Variants in CEP20 observed in about 807,000 individuals in gnomAD.
CEP20 encodes FGFR1OP N-terminal like.
A neutral mutation model predicts 20.0 loss-of-function variants in CEP20; 18 were observed. That is an observed-to-expected ratio of 0.90 (90% CI 0.62 to 1.34). The LOEUF (loss-of-function observed/expected upper bound fraction) is 1.34. Among genes scored for constraint, CEP20 ranks in the 40% most tolerant of loss-of-function variants. The pLI, the probability that CEP20 is intolerant of heterozygous loss-of-function variation, is 0.00. For synonymous variants in CEP20, 77 were observed against 73.7 expected, an observed-to-expected ratio of 1.04 and a Z score of -0.23; for missense variants, 215 against 201.6, an observed-to-expected ratio of 1.07 and a Z score of -0.40.
At chr16:15,868,390 T>A (rs2044737142) in intron 4 of CEP20, among the ~76,000 whole-genome samples, 1 of 152,026 alleles carries the variant, frequency 6.6e-6, no homozygotes, top group South Asian at 2.1e-4. Context: ...GCCACTGCAC[T>A]CCAGCCTGGG....
At chr16:15,869,101 GT>G (rs2044752337) in intron 4 of CEP20, among the ~76,000 whole-genome samples, 1 of 150,970 alleles carries the variant, frequency 6.6e-6, no homozygotes, top group South Asian at 2.1e-4. Context: ...AAAAATGTGT[GT>G]GTGTGTATAT....
intron 4 of CEP20, among the ~76,000 whole-genome samples, chr16:15,868,465 C>G (rs1173364573): frequency 6.6e-6 from 1 of 152,080 alleles, no homozygotes; most frequent in Non-Finnish European, 1.5e-5. Flanking sequence ...TATCCTAATG[C>G]AACAAAAATG....
chr16:15,875,827 G>A (rs1021726577), intron 3 of CEP20, among the ~76,000 whole-genome samples: 5 of 152,120 alleles, frequency 3.3e-5, no homozygotes, highest in African/African-American at 9.7e-5. Context: ...TGCTGGGTGT[G>A]GTGGCTCAAG....
At chr16:15,885,310 ACAAC>A (rs200651762) in intron 1 of CEP20, among the ~76,000 whole-genome samples, 15 of 151,104 alleles carry the variant, frequency 9.9e-5, no homozygotes, top group Non-Finnish European at 1.8e-4. Context: ...TCTGTTTAAA[ACAAC>A]CAACCAACCA....
At chr16:15,888,401 A>G (rs3213476) in intron 1 of CEP20, among the ~76,000 whole-genome samples, 157 bp downstream of exon 1, 33,542 of 152,034 alleles carry the variant, frequency 0.22, 4,005 homozygotes, top group African/African-American at 0.35. Flanking sequence ...CGCACGGGCC[A>G]AGACAGCAGC....
intron 4 of CEP20, among the ~76,000 whole-genome samples, chr16:15,869,958 G>A (rs577261493): frequency 5.9e-5 from 9 of 152,304 alleles, no homozygotes; most frequent in African/African-American, 1.9e-4. Flanking sequence ...TGAGCTGTCT[G>A]CAGAGCTTTC....
intron 1 of CEP20, 142 bp downstream of exon 1, chr16:15,888,416 C>G: frequency 1.8e-6 from 2 of 1,124,042 alleles, no homozygotes; most frequent in Non-Finnish European, 1.3e-6. Flanking sequence ...AGCAGCCAGA[C>G]GCTCCCCGCA....
intron 4 of CEP20, among the ~76,000 whole-genome samples, chr16:15,869,182 T>C (rs2044754111): frequency 6.6e-6 from 1 of 151,964 alleles, no homozygotes; most frequent in Non-Finnish European, 1.5e-5. Context: ...GCAGTACAAA[T>C]GCACTGGCTG....
Position 15,883,513 on chromosome 16 carries a change from G to A in CEP20, c.226+495C>T, listed in dbSNP as rs557249968. On this transcript the variant is annotated intron_variant, in intron 2 of 4. Coordinates refer to ENST00000255759, the MANE Select transcript of CEP20 (RefSeq NM_144600.4). Reference sequence around the variant, plus strand: ...CAGCCTCAGCTAGGACAACAGACACGTGCCACCATGCATGGCTAATTTTAA... The same window carrying A: ...CAGCCTCAGCTAGGACAACAGACACATGCCACCATGCATGGCTAATTTTAA... Among the ~76,000 whole-genome samples, 13 of 151,982 alleles carry A rather than the reference G, an allele frequency of 8.6e-5. No individual in the cohort carries two copies. The East Asian group carries it at 1.4e-3, about 16-fold the overall frequency.
rs965838634 is a variant in CEP20 at position 15,888,573 on chromosome 16, C to T, written c.13G>A (p.Ala5Thr). 1.2e-6 allele frequency: 2 copies of T among 1,614,194 alleles called. No individual in the cohort carries two copies. Among genetic ancestry groups the T allele is most frequent in the Non-Finnish European group, 1.7e-6 (2 of 1,180,028 alleles). Residue 5 changes from alanine (A) to threonine (T), a missense_variant, in exon 1 of 5, where the codon GCA (alanine) becomes ACA (threonine). Physicochemically the swap from Ala to Thr is moderately conservative, Grantham distance 58 (BLOSUM62 0). Transcript: ENST00000255759. Reference sequence around the variant, plus strand: ...TCGCACTCACCAGCCTTCAACTCTGCCACAGTCGCCATTTTTCAACGGCCG... The same window carrying T: ...TCGCACTCACCAGCCTTCAACTCTGTCACAGTCGCCATTTTTCAACGGCCG... The part of the protein sequence containing the change: MATV[A>T]ELKAVLKDTL...
chr16:15,886,287 C>T (rs777413023), intron 1 of CEP20: 1 of 152,216 alleles, frequency 6.6e-6, no homozygotes, highest in Non-Finnish European at 1.5e-5. Flanking sequence ...ATAGAATCTT[C>T]ACTGACTTTT....
intron 3 of CEP20, among the ~76,000 whole-genome samples, chr16:15,874,532 A>G (rs1016747905): frequency 2.0e-5 from 3 of 152,208 alleles, no homozygotes; most frequent in Admixed American, 6.5e-5. Context: ...TCTTGCATCA[A>G]GGAAAGCTGC....
At chr16:15,868,336 A>G (rs948607586) in intron 4 of CEP20, among the ~76,000 whole-genome samples, 2 of 151,678 alleles carry the variant, frequency 1.3e-5, no homozygotes, top group Non-Finnish European at 2.9e-5. Context: ...GGGCAGGAGA[A>G]TCGCTTGAAC....
intron 1 of CEP20, among the ~76,000 whole-genome samples, chr16:15,884,611 C>T (rs555116867): frequency 2.0e-5 from 3 of 152,304 alleles, no homozygotes; most frequent in African/African-American, 7.2e-5. Flanking sequence ...AAGCAATTCT[C>T]CTGCCTCAGC....
At chr16:15,868,410 AAG>A (rs1480320984) in intron 4 of CEP20, among the ~76,000 whole-genome samples, 1 of 151,946 alleles carries the variant, frequency 6.6e-6, no homozygotes, top group African/African-American at 2.4e-5. Flanking sequence ...GCGACAGAGC[AAG>A]ACTCTTGTCT....
chr16:15,887,718 T>C (rs1471852157), intron 1 of CEP20, among the ~76,000 whole-genome samples: 1 of 152,186 alleles, frequency 6.6e-6, no homozygotes, highest in Non-Finnish European at 1.5e-5. Flanking sequence ...ATGTCATTAA[T>C]GACTCAAACA....
At chr16:15,879,484 C>A (rs1310687242) in intron 3 of CEP20, among the ~76,000 whole-genome samples, 4 of 151,712 alleles carry the variant, frequency 2.6e-5, no homozygotes, top group African/African-American at 9.7e-5. Context: ...CTTGCCTCTA[C>A]AAAAATAATT....
chr16:15,875,214 C>T, intron 3 of CEP20, among the ~76,000 whole-genome samples: 1 of 152,150 alleles, frequency 6.6e-6, no homozygotes, highest in East Asian at 1.9e-4. Context: ...TAATAAGATG[C>T]CGCAACTCTT....
At chr16:15,882,316 C>T (rs1193398872) in intron 2 of CEP20, among the ~76,000 whole-genome samples, 4 of 152,078 alleles carry the variant, frequency 2.6e-5, no homozygotes, top group African/African-American at 7.2e-5. Context: ...CCGAGGAGGG[C>T]GGATCACGAG....
Sources: allele counts gnomAD v4.1 joint callset (sites outside exome capture counted in the v4.1 genomes callset), GRCh38; gene constraint gnomAD v4.1.1; transcripts MANE v1.5; gene names NCBI Gene and HGNC (gene_info 2026-07-23, HGNC 2026-07-21).